Variants in LRRC37A2 observed in about 807,000 individuals in gnomAD.
The protein encoded by LRRC37A2 is leucine-rich repeat-containing protein 37A2.
LRRC37A2 carries 9 observed loss-of-function variants against 68.8 expected under a neutral mutation model. That is an observed-to-expected ratio of 0.13 (90% CI 0.08 to 0.23). The LOEUF (loss-of-function observed/expected upper bound fraction) is 0.23, where lower values mean the gene tolerates loss of function less well. Among genes scored for constraint, LRRC37A2 ranks in the 10% least tolerant of loss-of-function variants. The pLI, the probability that LRRC37A2 is intolerant of heterozygous loss-of-function variation, is 1.00. For synonymous variants in LRRC37A2, 63 were observed against 367.6 expected (o/e 0.17, Z 9.48); for missense variants, 168 against 950.4 (o/e 0.18, Z 10.82).
the LRRC37A2 span, among the ~76,000 whole-genome samples, chr17:46,747,247 A>G: frequency 1.3e-5 from 2 of 152,222 alleles, no homozygotes; most frequent in East Asian, 3.8e-4. Flanking sequence ...AAAACAAGGA[A>G]CAGAAGAAAA....
the LRRC37A2 span, among the ~76,000 whole-genome samples, chr17:46,743,189 C>T: frequency 7.2e-5 from 11 of 152,052 alleles, no homozygotes; most frequent in African/African-American, 2.2e-4. Flanking sequence ...TAACCCAGAG[C>T]CAACCTTGGC....
At chr17:46,816,121 A>ACACACACACACGCACGCG in the LRRC37A2 span, among the ~76,000 whole-genome samples, 1 of 150,896 alleles carries the variant, frequency 6.6e-6, no homozygotes, top group South Asian at 2.1e-4. Flanking sequence ...GTACACACAC[A>ACACACACACACGCACGCG]CACACACACT....
the LRRC37A2 span, among the ~76,000 whole-genome samples, chr17:46,461,872 C>A: frequency 9.1e-5 from 5 of 55,180 alleles, no homozygotes; most frequent in East Asian, 1.5e-3. Flanking sequence ...TGGCGCACAG[C>A]TGTAATCCCA....
At chr17:46,773,619 T>TCCCGGCCC in the LRRC37A2 span, 1 of 549,848 alleles carries the variant, frequency 1.8e-6, no homozygotes, top group Non-Finnish European at 3.2e-6. Flanking sequence ...ACAGTCCTGA[T>TCCCGGCCC]CCCTCCCCCC....
chr17:46,979,498 G>A, the LRRC37A2 span, among the ~76,000 whole-genome samples: 36,783 of 152,184 alleles, frequency 0.24, 5,164 homozygotes, highest in South Asian at 0.35. Flanking sequence ...CCTCTCCAAG[G>A]TGCCCATTCC....
chr17:46,840,044 C>T, the LRRC37A2 span, among the ~76,000 whole-genome samples: 2 of 134,122 alleles, frequency 1.5e-5, no homozygotes, highest in South Asian at 2.5e-4. Context: ...TTCTTTCTTT[C>T]TTTCTCTCTC....
chr17:46,877,884 G>A, the LRRC37A2 span, among the ~76,000 whole-genome samples: 1 of 152,234 alleles, frequency 6.6e-6, no homozygotes, highest in Non-Finnish European at 1.5e-5. Flanking sequence ...GCCTCCTTCA[G>A]TTCCTAATGG....
chr17:47,030,123 T>G, the LRRC37A2 span, among the ~76,000 whole-genome samples: 2 of 130,190 alleles, frequency 1.5e-5, no homozygotes, highest in Non-Finnish European at 1.6e-5. Context: ...ATCATCATCA[T>G]CATCATCATC....
chr17:47,000,078 A>ATT, the LRRC37A2 span, among the ~76,000 whole-genome samples: 2 of 5,080 alleles, frequency 3.9e-4, 1 homozygote, highest in African/African-American at 7.0e-4. Flanking sequence ...ATAAAATAAA[A>ATT]AATAAAATAA....
chr17:46,731,427 G>A, the LRRC37A2 span, among the ~76,000 whole-genome samples: 1 of 152,136 alleles, frequency 6.6e-6, no homozygotes, highest in Non-Finnish European at 1.5e-5. Flanking sequence ...TGGTGGTGTT[G>A]TGTATATCTG....
the LRRC37A2 span, chr17:46,923,401 A>C: frequency 6.9e-7 from 1 of 1,454,346 alleles, no homozygotes. Context: ...AGCCACAGAC[A>C]GTGGGTTCAG....
chr17:46,995,211 C>A, the LRRC37A2 span, among the ~76,000 whole-genome samples: 8 of 152,142 alleles, frequency 5.3e-5, no homozygotes, highest in African/African-American at 1.9e-4. Context: ...TCCCTCCCTC[C>A]CACAGTGGGA....
the LRRC37A2 span, chr17:47,017,432 C>T: frequency 7.1e-7 from 1 of 1,417,852 alleles, no homozygotes; most frequent in Non-Finnish European, 9.8e-7. Context: ...TCCCAGCAGA[C>T]CCGTGGGACT....
chr17:46,748,090 A>T, the LRRC37A2 span, among the ~76,000 whole-genome samples: 8 of 152,216 alleles, frequency 5.3e-5, no homozygotes, highest in East Asian at 1.5e-3. Context: ...GAAAAAAATT[A>T]TTTCTAACCT....
At chr17:46,827,879 G>A in the LRRC37A2 span, among the ~76,000 whole-genome samples, 477 of 149,784 alleles carry the variant, frequency 3.2e-3, 4 homozygotes, top group Middle Eastern at 3.5e-3. Context: ...GTGCAATCTC[G>A]GCTCACTGCA....
the LRRC37A2 span, among the ~76,000 whole-genome samples, chr17:47,023,045 G>T: frequency 6.6e-6 from 1 of 152,174 alleles, no homozygotes. Context: ...TTCATTTCCC[G>T]ACACCTTTTC....
the LRRC37A2 span, among the ~76,000 whole-genome samples, chr17:46,622,223 C>T: frequency 2.8e-5 from 4 of 143,440 alleles, no homozygotes; most frequent in South Asian, 2.1e-4. Flanking sequence ...TTTGGGAGAC[C>T]GAGGTGGGTG....
chr17:46,874,044 A>T, the LRRC37A2 span, among the ~76,000 whole-genome samples: 1 of 151,128 alleles, frequency 6.6e-6, no homozygotes, highest in Admixed American at 6.6e-5. Flanking sequence ...GGCCCCTCCT[A>T]GGCCAGCTGC....
the LRRC37A2 span, among the ~76,000 whole-genome samples, chr17:46,631,088 A>ACACACACACACACACACACACG: frequency 6.9e-6 from 1 of 145,932 alleles, no homozygotes; most frequent in East Asian, 2.0e-4. Flanking sequence ...ACACACACAC[A>ACACACACACACACACACACACG]CACACACACA....
Sources: allele counts gnomAD v4.1 joint callset (sites outside exome capture counted in the v4.1 genomes callset), GRCh38; gene constraint gnomAD v4.1.1; transcripts MANE v1.5; gene names NCBI Gene and HGNC (gene_info 2026-07-23, HGNC 2026-07-21).